Variants in CDC25A observed in about 807,000 individuals in gnomAD.
CDC25A encodes cell division cycle 25A, also known as M-phase inducer phosphatase 1.
A neutral mutation model predicts 64.6 loss-of-function variants in CDC25A; 17 were observed. That is an observed-to-expected ratio of 0.26 (90% CI 0.18 to 0.39). The LOEUF (loss-of-function observed/expected upper bound fraction) is 0.39. CDC25A is among the 10% of genes least tolerant of loss of function. The pLI is 1.00. For missense variants in CDC25A, 473 were observed against 654.8 expected (o/e 0.72, Z 3.03); for synonymous variants, 229 against 238.6 (o/e 0.96, Z 0.37).
At chr3:48,171,240 C>T (rs533107051) in intron 9 of CDC25A, among the ~76,000 whole-genome samples, 37 of 151,828 alleles carry the variant, frequency 2.4e-4, no homozygotes, top group African/African-American at 8.2e-4. Flanking sequence ...CCAGGCGTGG[C>T]AGTGGGCACC....
At chr3:48,186,899 AC>A in intron 1 of CDC25A, 120 bp from the exon 2 acceptor site, 1 of 656,044 alleles carries the variant, frequency 1.5e-6, no homozygotes, top group Non-Finnish European at 2.6e-6. Flanking sequence ...TCTAGGCCAC[AC>A]CACAAGTGGC....
At chr3:48,180,204 CCA>C (rs2032611001) in intron 6 of CDC25A, 1 of 152,268 alleles carries the variant, frequency 6.6e-6, no homozygotes, top group Admixed American at 6.5e-5. Context: ...TAGGCATGAG[CCA>C]TGGCACCTGG....
At chr3:48,170,433 ATTTACCAG>A (rs913443785) in intron 9 of CDC25A, among the ~76,000 whole-genome samples, 1 of 152,156 alleles carries the variant, frequency 6.6e-6, no homozygotes, top group Non-Finnish European at 1.5e-5. Context: ...AAGAAAACAC[ATTTACCAG>A]TTTATTATGA....
chr3:48,187,452 T>C (rs1037020086), intron 1 of CDC25A, among the ~76,000 whole-genome samples: 2 of 152,248 alleles, frequency 1.3e-5, no homozygotes, highest in Non-Finnish European at 2.9e-5. Context: ...GAGCCTGATT[T>C]TCCCCGCGGG....
intron 6 of CDC25A, among the ~76,000 whole-genome samples, chr3:48,178,945 G>A (rs1347362350): frequency 1.3e-5 from 2 of 152,098 alleles, no homozygotes; most frequent in African/African-American, 4.8e-5. Context: ...CACAGTAGCA[G>A]GGTAGTCCCA....
intron 13 of CDC25A, among the ~76,000 whole-genome samples, chr3:48,161,019 G>T (rs1156580158): frequency 1.3e-5 from 2 of 152,034 alleles, no homozygotes; most frequent in Admixed American, 1.3e-4. Flanking sequence ...TGGGCGTGGT[G>T]GCAGGTGCCT....
In CDC25A at chr3:48,159,338, T is replaced by C; in HGVS notation, c.1434+6A>G. On this transcript the variant is annotated splice_donor_region_variant and intron_variant, in intron 14 of 14. Coordinates refer to ENST00000302506, the MANE Select transcript of CDC25A (RefSeq NM_001789.3). ...GGAGAGATGCTCTCCACAACCCCAG[T>C]CTTACCTGGCATTTCATAAAGAACT... 6.3e-7 allele frequency: 1 copy of C among 1,595,630 alleles called. No individual in the cohort carries two copies. Among genetic ancestry groups the C allele is most frequent in the Non-Finnish European group, 8.6e-7 (1 of 1,163,296 alleles).
chr3:48,183,369 T>C, intron 4 of CDC25A, among the ~76,000 whole-genome samples: 1 of 152,190 alleles, frequency 6.6e-6, no homozygotes, highest in East Asian at 1.9e-4. Flanking sequence ...GGAGGACAAA[T>C]TCCTCCAGAC....
intron 12 of CDC25A, 136 bp from the exon 13 acceptor site, chr3:48,164,573 G>C (rs1417631168): frequency 9.4e-6 from 7 of 746,456 alleles, no homozygotes; most frequent in Non-Finnish European, 1.2e-5. Flanking sequence ...TCTTCTAGCT[G>C]AATAGCCCAG....
intron 2 of CDC25A, among the ~76,000 whole-genome samples, chr3:48,185,841 C>T (rs1357531439): frequency 6.6e-6 from 1 of 152,142 alleles, no homozygotes; most frequent in Non-Finnish European, 1.5e-5. Context: ...GTGTTACAGC[C>T]CTTGCTCACC....
intron 8 of CDC25A, among the ~76,000 whole-genome samples, chr3:48,175,797 A>G (rs562313099): frequency 1.2e-4 from 18 of 152,364 alleles, no homozygotes; most frequent in East Asian, 5.8e-4. Context: ...AAATTTACTC[A>G]TAACATTTGT....
chr3:48,175,536 A>G (rs535215483), intron 8 of CDC25A, among the ~76,000 whole-genome samples: 6 of 152,338 alleles, frequency 3.9e-5, no homozygotes, highest in Admixed American at 1.3e-4. Context: ...AGTCCCCAGT[A>G]GAATGGATCA....
intron 13 of CDC25A, chr3:48,161,187 T>C (rs932529742): frequency 1.4e-5 from 2 of 147,038 alleles, no homozygotes; most frequent in Non-Finnish European, 3.0e-5. Context: ...AGTTCACCTG[T>C]GAATCCCAAA....
chr3:48,186,459 C>A (rs2032847191), intron 2 of CDC25A, among the ~76,000 whole-genome samples: 1 of 151,800 alleles, frequency 6.6e-6, no homozygotes, highest in African/African-American at 2.4e-5. Flanking sequence ...ATCCCAGCTA[C>A]TCGGGAGGCT....
At chr3:48,183,685 G>C in intron 4 of CDC25A, 115 bp downstream of exon 4, 1 of 691,368 alleles carries the variant, frequency 1.4e-6, no homozygotes, top group Non-Finnish European at 2.6e-6. Context: ...TGTCTCAAAA[G>C]AGACTAAAGA....
chr3:48,180,803 G>C lies in CDC25A; in HGVS notation c.467C>G (p.Ser156Cys). Residue 156 changes from serine (S) to cysteine (C), a missense_variant, in exon 6 of 15, where the codon TCT becomes TGT. Physicochemically the swap from Ser to Cys is moderately radical, Grantham distance 112. Around this residue, in one of 2 missense-constraint regions of CDC25A, gnomAD observed 376 missense variants for 431.9 expected, o/e 0.87. Coordinates refer to ENST00000302506, the MANE Select transcript of CDC25A (RefSeq NM_001789.3). ...TCCATGAGAGTGCAGGCAGCCACGA[G>C]ATACAGGTCTTACTGGCTTCTTAAA... is the stretch of plus-strand genomic sequence containing the variant. ...FEFKKPVRPVSRGCLHSHGLQ... is the reference protein window; with the variant it reads ...FEFKKPVRPVCRGCLHSHGLQ... 6.2e-7 allele frequency: 1 copy of C among 1,614,044 alleles called. No individual in the cohort carries two copies. Among genetic ancestry groups the C allele is most frequent in the Non-Finnish European group, 8.5e-7 (1 of 1,179,916 alleles).
At chr3:48,181,564 T>C in intron 5 of CDC25A, 1 of 1,564,492 alleles carries the variant, frequency 6.4e-7, no homozygotes, top group Non-Finnish European at 8.8e-7. Flanking sequence ...TGAACTTACT[T>C]CAGATTGTGC....
intron 13 of CDC25A, among the ~76,000 whole-genome samples, chr3:48,162,446 G>A (rs2031813686): frequency 6.6e-6 from 1 of 152,022 alleles, no homozygotes; most frequent in Admixed American, 6.6e-5. Context: ...ACCCAGGTTG[G>A]TCTGGTCTGA....
intron 5 of CDC25A, among the ~76,000 whole-genome samples, chr3:48,182,325 G>A (rs910613006): frequency 4.6e-5 from 7 of 152,200 alleles, no homozygotes; most frequent in African/African-American, 1.4e-4. Flanking sequence ...TAGAAATACA[G>A]TAGAGAGAAG....
Sources: allele counts gnomAD v4.1 joint callset (sites outside exome capture counted in the v4.1 genomes callset), GRCh38; gene constraint gnomAD v4.1.1; regional missense constraint gnomAD v4.1.1; transcripts MANE v1.5; gene names NCBI Gene and HGNC (gene_info 2026-07-23, HGNC 2026-07-21).